The following LDLRAD3 variants were observed in gnomAD, a reference collection of about 807,000 sequenced individuals.
LDLRAD3 encodes the protein low-density lipoprotein receptor class A domain-containing protein 3.
In LDLRAD3, 20 loss-of-function variants were observed where a neutral mutation model predicts 29.4. The observed-to-expected ratio is 0.68, with a 90% confidence interval of 0.48 to 0.99. The LOEUF (loss-of-function observed/expected upper bound fraction) is 0.99. Among genes scored for constraint, LDLRAD3 ranks in the 50% least tolerant of loss-of-function variants. The pLI is 0.00. For synonymous variants in LDLRAD3, 157 were observed against 192.7 expected (o/e 0.81, Z 1.53); for missense variants, 420 against 454.3 (o/e 0.92, Z 0.69).
At chr11:36,015,204 G>A (rs1590207103) in intron 1 of LDLRAD3, among the ~76,000 whole-genome samples, 1 of 152,346 alleles carries the variant, frequency 6.6e-6, no homozygotes, top group East Asian at 1.9e-4. Flanking sequence ...TTATCAGGGT[G>A]TGGCTCGTGC....
At chr11:36,155,304 G>A (rs1179390695) in intron 4 of LDLRAD3, among the ~76,000 whole-genome samples, 1 of 152,178 alleles carries the variant, frequency 6.6e-6, no homozygotes, top group Non-Finnish European at 1.5e-5. Context: ...TGGCCTTTCA[G>A]TGACATTCAT....
chr11:36,079,220 T>A, intron 2 of LDLRAD3, among the ~76,000 whole-genome samples: 1 of 152,210 alleles, frequency 6.6e-6, no homozygotes, highest in Non-Finnish European at 1.5e-5. Context: ...CTACTTTACT[T>A]TTTTGACTTA....
At chr11:36,168,176 T>C (rs956970279) in intron 4 of LDLRAD3, among the ~76,000 whole-genome samples, 1 of 152,216 alleles carries the variant, frequency 6.6e-6, no homozygotes, top group South Asian at 2.1e-4. Context: ...GGGATTGCTG[T>C]CTGCCATAAG....
intron 3 of LDLRAD3, among the ~76,000 whole-genome samples, chr11:36,089,521 G>A (rs529471657): frequency 2.0e-5 from 3 of 151,784 alleles, no homozygotes; most frequent in African/African-American, 4.8e-5. Flanking sequence ...TCCGCCTCCC[G>A]GGTTCAAGCA....
intron 4 of LDLRAD3, among the ~76,000 whole-genome samples, chr11:36,205,013 G>A (rs937369156): frequency 6.6e-6 from 1 of 152,148 alleles, no homozygotes; most frequent in Non-Finnish European, 1.5e-5. Flanking sequence ...CTTCCCCTCA[G>A]GTTCCCAGGT....
chr11:36,149,818 G>T (rs1308849391), intron 4 of LDLRAD3, among the ~76,000 whole-genome samples: 2 of 152,110 alleles, frequency 1.3e-5, no homozygotes, highest in African/African-American at 4.8e-5. Flanking sequence ...GCCCCATTGA[G>T]GCTCTGCGTC....
At chr11:36,033,405 G>A (rs190846555) in intron 1 of LDLRAD3, among the ~76,000 whole-genome samples, 1 of 152,270 alleles carries the variant, frequency 6.6e-6, no homozygotes, top group East Asian at 1.9e-4. Context: ...CCATCCATTT[G>A]TCAAGTCCAT....
chr11:36,034,746 G>T lies in LDLRAD3; in HGVS notation c.47-1357G>T, dbSNP rs535851233. On this transcript the variant is annotated intron_variant, in intron 1 of 5. Transcript: ENST00000315571. The stretch of plus-strand genomic sequence containing the variant: ...CAGACTACAGAATTAGTGCTCATCT[G>T]TGTTTGGAAAAGCCAGGGGACACGT... Among the ~76,000 whole-genome samples, 16 of 152,306 alleles carry T rather than the reference G, an allele frequency of 1.1e-4. No individual in the cohort carries two copies. In the East Asian group the frequency reaches 3.1e-3, roughly 29 times the overall value.
chr11:36,049,212 C>CA (rs1309708615), intron 2 of LDLRAD3, among the ~76,000 whole-genome samples: 2 of 152,048 alleles, frequency 1.3e-5, no homozygotes, highest in East Asian at 3.9e-4. Context: ...CACAGAACAT[C>CA]AAAAAAAATT....
intron 1 of LDLRAD3, among the ~76,000 whole-genome samples, chr11:36,034,388 G>C (rs435484): frequency 0.6 from 90,595 of 151,752 alleles, 27,522 homozygotes; most frequent in Admixed American, 0.71. Flanking sequence ...GCAATGGAGA[G>C]TCGGGGACTG....
Position 36,140,725 on chromosome 11 carries a change from G to A in LDLRAD3, c.454+42264G>A, listed in dbSNP as rs533197256. On this transcript the variant is annotated intron_variant, in intron 4 of 5. Transcript: ENST00000315571. ...CGTGAGCCACCGTGCCTGACGTTGTGTACACTTTAAAAGCATATGGAAACC... is the reference window on the plus strand; with the variant it reads ...CGTGAGCCACCGTGCCTGACGTTGTATACACTTTAAAAGCATATGGAAACC... Among the ~76,000 whole-genome samples, 78 of 152,166 alleles carry A rather than the reference G, an allele frequency of 5.1e-4. 2 individuals carry two copies. The South Asian group carries it at 0.015, about 30-fold the overall frequency.
At chr11:36,152,625 G>T (rs1854292829) in intron 4 of LDLRAD3, among the ~76,000 whole-genome samples, 2 of 152,062 alleles carry the variant, frequency 1.3e-5, no homozygotes, top group Non-Finnish European at 2.9e-5. Flanking sequence ...TATACTTCTG[G>T]CTTTGTCTGC....
chr11:36,207,735 A>G (rs185141963), intron 4 of LDLRAD3, among the ~76,000 whole-genome samples: 1 of 152,176 alleles, frequency 6.6e-6, no homozygotes, highest in African/African-American at 2.4e-5. Flanking sequence ...AAGGGATCAC[A>G]AAAGGGCATG....
At chr11:36,144,944 C>T (rs1854156523) in intron 4 of LDLRAD3, among the ~76,000 whole-genome samples, 1 of 110,160 alleles carries the variant, frequency 9.1e-6, no homozygotes, top group Non-Finnish European at 2.0e-5. Context: ...TGAGGAGCCC[C>T]TCTGCCCGGC....
At chr11:36,134,153 G>C (rs1029708545) in intron 4 of LDLRAD3, among the ~76,000 whole-genome samples, 1 of 151,962 alleles carries the variant, frequency 6.6e-6, no homozygotes, top group African/African-American at 2.4e-5. Flanking sequence ...CCTCCTACAA[G>C]GCAAAAATCA....
chr11:36,048,629 G>A (rs545120098), intron 2 of LDLRAD3, among the ~76,000 whole-genome samples: 4 of 152,290 alleles, frequency 2.6e-5, no homozygotes, highest in South Asian at 4.1e-4. Context: ...TTCTTAGAAC[G>A]TTTGTTTCAT....
chr11:36,120,101 G>T (rs1295595501), intron 4 of LDLRAD3, among the ~76,000 whole-genome samples: 1 of 152,084 alleles, frequency 6.6e-6, no homozygotes, highest in Non-Finnish European at 1.5e-5. Flanking sequence ...TCACTGAATT[G>T]TCTTGGCACC....
chr11:35,992,564 ATAT>A (rs1851703692), intron 1 of LDLRAD3, among the ~76,000 whole-genome samples: 1 of 152,240 alleles, frequency 6.6e-6, no homozygotes, highest in Non-Finnish European at 1.5e-5. Flanking sequence ...AACCTTGGAA[ATAT>A]TATGCTAAAT....
chr11:36,086,141 C>G (rs1452748322), intron 3 of LDLRAD3, among the ~76,000 whole-genome samples: 1 of 152,036 alleles, frequency 6.6e-6, no homozygotes, highest in African/African-American at 2.4e-5. Flanking sequence ...CTGAGACTTT[C>G]TGTTTTTCCA....
Sources: allele counts gnomAD v4.1 joint callset (sites outside exome capture counted in the v4.1 genomes callset), GRCh38; gene constraint gnomAD v4.1.1; transcripts MANE v1.5; gene names NCBI Gene and HGNC (gene_info 2026-07-23, HGNC 2026-07-21).